The following DCC variants were observed in gnomAD, a reference collection of about 807,000 sequenced individuals.
DCC encodes netrin receptor DCC.
DCC carries 58 observed loss-of-function variants against 172.5 expected under a neutral mutation model. The observed-to-expected ratio is 0.34, with a 90% CI of 0.27 to 0.42. The LOEUF (loss-of-function observed/expected upper bound fraction) is 0.42, where lower values mean the gene tolerates loss of function less well. Ranked by LOEUF, DCC falls within the 10% of genes least tolerant of loss-of-function variation. The pLI is 1.00. For missense variants in DCC, 1,740 were observed against 1,791.0 expected (o/e 0.97, Z 0.51); for synonymous variants, 709 against 644.5 (o/e 1.10, Z -1.52).
chr18:52,497,300 T>C (rs1325354658), intron 1 of DCC, among the ~76,000 whole-genome samples: 1 of 78,576 alleles, frequency 1.3e-5, no homozygotes, highest in Non-Finnish European at 2.6e-5. Flanking sequence ...TATATATATA[T>C]ATATATATAT....
intron 5 of DCC, among the ~76,000 whole-genome samples, chr18:52,959,140 G>A (rs2040797108): frequency 6.6e-6 from 1 of 152,050 alleles, no homozygotes; most frequent in African/African-American, 2.4e-5. Flanking sequence ...TAACATTTCA[G>A]GGGGGTGAGG....
chr18:52,624,247 T>G (rs2034531942), intron 1 of DCC, among the ~76,000 whole-genome samples: 1 of 152,172 alleles, frequency 6.6e-6, no homozygotes. Context: ...CATATATAAA[T>G]TAATTCAAAT....
At chr18:52,384,710 A>G (rs557871623) in intron 1 of DCC, among the ~76,000 whole-genome samples, 1 of 152,168 alleles carries the variant, frequency 6.6e-6, no homozygotes, top group Non-Finnish European at 1.5e-5. Flanking sequence ...TGATTCAGAA[A>G]TGGACTTTGT....
chr18:53,457,684 C>G (rs570746052), intron 23 of DCC, among the ~76,000 whole-genome samples: 1 of 152,202 alleles, frequency 6.6e-6, no homozygotes, highest in African/African-American at 2.4e-5. Context: ...GAAATGAATT[C>G]AGGAAATAAA....
rs574506718 is a variant in DCC at position 53,118,037 on chromosome 18, C to T, written c.1262-39319C>T. ...AGCATCACTGACATGGGTCATCTGA[C>T]GTCATCATAAACACCTCTGTTGATG... On this transcript the variant is annotated intron_variant, in intron 7 of 28. Transcript: ENST00000442544. Among the ~76,000 whole-genome samples the T allele has an allele frequency of 7.9e-5, 12 of 151,832 alleles. No homozygotes were observed. The East Asian group carries it at 1.8e-3, about 22-fold the overall frequency.
chr18:53,215,611 A>G lies in DCC; in HGVS notation c.1911+14A>G, dbSNP rs1454476457. The G allele has an allele frequency of 4.4e-6, 7 of 1,605,638 alleles. No individual in the cohort carries two copies. The South Asian group carries it at 5.5e-5, about 13-fold the overall frequency. On this transcript the variant is annotated intron_variant, in intron 12 of 28. Transcript: ENST00000442544. ...GTCAATTCAAGAGTAAGTTGGCTAA[A>G]TGTTCACTACTCCATTACCTATCAA...
Position 52,864,583 on chromosome 18 carries a change from C to T in DCC, c.413-41461C>T, listed in dbSNP as rs185382253. ...CAGGTTTGTTACATGGGTATACACA[C>T]GTTACATAGGTATACATAGGTGCCA... On this transcript the variant is annotated intron_variant, in intron 2 of 28. Coordinates refer to ENST00000442544, the MANE Select transcript of DCC (RefSeq NM_005215.4). 1.2e-3 allele frequency among the ~76,000 whole-genome samples: 176 copies of T among 152,100 alleles called. 1 individual carries two copies. The highest frequency in any genetic ancestry group is 3.9e-3 in the African/African-American group (161 of 41,484).
intron 2 of DCC, among the ~76,000 whole-genome samples, chr18:52,850,041 G>GT (rs2038951444): frequency 6.6e-6 from 1 of 152,182 alleles, no homozygotes; most frequent in Admixed American, 6.5e-5. Context: ...GGTGGGGTTC[G>GT]TATGATTTTG....
At chr18:52,497,379 ATG>A (rs1443062636) in intron 1 of DCC, among the ~76,000 whole-genome samples, 1 of 132,384 alleles carries the variant, frequency 7.6e-6, no homozygotes, top group African/African-American at 2.9e-5. Flanking sequence ...ATGTGTATAT[ATG>A]TATACACACA....
chr18:52,983,265 G>T (rs1260528923), intron 5 of DCC, among the ~76,000 whole-genome samples: 1 of 152,180 alleles, frequency 6.6e-6, no homozygotes, highest in African/African-American at 2.4e-5. Flanking sequence ...AAGGGGCAAA[G>T]ACATTTACAA....
chr18:52,476,874 GGA>G (rs1473477271), intron 1 of DCC, among the ~76,000 whole-genome samples: 5 of 152,174 alleles, frequency 3.3e-5, no homozygotes, highest in East Asian at 3.8e-4. Flanking sequence ...TAAAACAATA[GGA>G]GAGTAAGCTG....
intron 1 of DCC, among the ~76,000 whole-genome samples, chr18:52,488,527 GAA>G (rs939152235): frequency 3.3e-5 from 5 of 152,016 alleles, no homozygotes; most frequent in Non-Finnish European, 7.4e-5. Context: ...AAAGGAGAGA[GAA>G]AATGCATAAA....
At chr18:53,495,475 C>T (rs1450803945) in intron 26 of DCC, among the ~76,000 whole-genome samples, 2 of 151,956 alleles carry the variant, frequency 1.3e-5, no homozygotes, top group Non-Finnish European at 2.9e-5. Flanking sequence ...AGAGTTTCTG[C>T]CGAGAGATCC....
At chr18:53,199,327 A>G (rs1382672932) in intron 9 of DCC, among the ~76,000 whole-genome samples, 1 of 151,852 alleles carries the variant, frequency 6.6e-6, no homozygotes, top group Non-Finnish European at 1.5e-5. Flanking sequence ...CTGGCCTCAA[A>G]TGATCCTCCC....
At chr18:53,459,793 G>A (rs1327919775) in intron 24 of DCC, among the ~76,000 whole-genome samples, 1 of 151,994 alleles carries the variant, frequency 6.6e-6, no homozygotes, top group East Asian at 1.9e-4. Context: ...GTTTTGTCAA[G>A]GCAATAAAAT....
intron 7 of DCC, among the ~76,000 whole-genome samples, chr18:53,115,405 G>A (rs952623518): frequency 1.3e-5 from 2 of 151,650 alleles, no homozygotes; most frequent in Non-Finnish European, 3.0e-5. Flanking sequence ...GTTGGGGTGT[G>A]TGTGTGTGTG....
intron 1 of DCC, among the ~76,000 whole-genome samples, chr18:52,529,439 T>C (rs895370842): frequency 3.3e-5 from 5 of 152,046 alleles, no homozygotes; most frequent in Non-Finnish European, 7.4e-5. Flanking sequence ...TACAGGCGCC[T>C]GCCACCACGC....
intron 1 of DCC, among the ~76,000 whole-genome samples, chr18:52,519,272 T>G (rs923018342): frequency 2.6e-5 from 4 of 152,202 alleles, no homozygotes; most frequent in African/African-American, 9.6e-5. Context: ...TGGGTTTTGC[T>G]TATAAAGTAA....
chr18:53,528,316 TA>T (rs2046482407), intron 28 of DCC, among the ~76,000 whole-genome samples: 1 of 152,182 alleles, frequency 6.6e-6, no homozygotes, highest in Non-Finnish European at 1.5e-5. Context: ...AGATGAGTGT[TA>T]TCTACTTAAC....
Sources: gnomAD v4.1 joint callset for allele counts (sites outside exome capture counted in the v4.1 genomes callset) on GRCh38, gnomAD v4.1.1 for gene constraint, MANE v1.5 for transcripts, NCBI Gene and HGNC (gene_info 2026-07-23, HGNC 2026-07-21) for gene names.